IMPG1: variants seen among roughly 807,000 people sequenced by gnomAD.
The protein encoded by IMPG1 is interphotoreceptor matrix proteoglycan 1, also known as interphotoreceptor matrix proteoglycan of 150 kDa.
IMPG1 carries 85 observed loss-of-function variants against 92.0 expected under a neutral mutation model. The observed-to-expected ratio is 0.92, with a 90% CI of 0.78 to 1.11. The LOEUF is 1.11. IMPG1 is among the 50% of genes least tolerant of loss of function. The pLI, the probability that IMPG1 is intolerant of heterozygous loss-of-function variation, is 0.00. For missense variants in IMPG1, 1,022 were observed against 956.0 expected (o/e 1.07, Z -0.91); for synonymous variants, 367 against 334.1 (o/e 1.10, Z -1.08).
chr6:75,948,504 C>T (rs1306079090), intron 13 of IMPG1, among the ~76,000 whole-genome samples: 1 of 152,122 alleles, frequency 6.6e-6, no homozygotes, highest in African/African-American at 2.4e-5. Flanking sequence ...TGACCCAGTC[C>T]CACATTCTGT....
chr6:76,008,280 A>G (rs138228346), intron 8 of IMPG1, among the ~76,000 whole-genome samples: 101 of 152,280 alleles, frequency 6.6e-4, no homozygotes, highest in African/African-American at 2.2e-3. Flanking sequence ...ATGAAAAAAG[A>G]CCATTTAGTC....
intron 7 of IMPG1, among the ~76,000 whole-genome samples, chr6:76,017,959 G>T: frequency 6.6e-6 from 1 of 152,042 alleles, no homozygotes; most frequent in Non-Finnish European, 1.5e-5. Flanking sequence ...TGCCATGTTG[G>T]CCAGGCTGGT....
rs149060742 is a variant in IMPG1, at chr6:75,960,125, C to T, written c.1292-9031G>A. Among the ~76,000 whole-genome samples the T allele has an allele frequency of 5.7e-3, 862 of 152,210 alleles. 10 individuals are homozygous for T. The highest frequency in any genetic ancestry group is 0.034 in the Admixed American group (522 of 15,282). On this transcript the variant is annotated intron_variant, in intron 12 of 16. Transcript: ENST00000369950. ...TTCCCTTTGCTAGGGGTGGTAGTTG[C>T]CCAACTTCTTGTGCTTCCTGGGTGA...
intron 5 of IMPG1, chr6:76,024,859 A>G: frequency 2.5e-6 from 1 of 407,478 alleles, no homozygotes; most frequent in South Asian, 1.8e-5. Flanking sequence ...ACATCAGGTT[A>G]AGTGGAAAAA....
intron 6 of IMPG1, among the ~76,000 whole-genome samples, chr6:76,020,048 A>C (rs1040677575): frequency 7.2e-5 from 11 of 152,078 alleles, no homozygotes; most frequent in Admixed American, 3.3e-4. Flanking sequence ...TATTTTATTT[A>C]TTTCTTTTAT....
intron 15 of IMPG1, among the ~76,000 whole-genome samples, chr6:75,925,596 G>C (rs939413883): frequency 6.6e-6 from 1 of 152,122 alleles, no homozygotes; most frequent in Non-Finnish European, 1.5e-5. Context: ...GTAGGCTGAG[G>C]TGGGAGGATT....
intron 2 of IMPG1, among the ~76,000 whole-genome samples, chr6:76,040,160 G>A (rs2149489741): frequency 6.6e-6 from 1 of 152,282 alleles, no homozygotes; most frequent in East Asian, 1.9e-4. Flanking sequence ...ATAATGGACT[G>A]TCATTGCTGT....
At chr6:76,052,847 T>C (rs1582132186) in intron 1 of IMPG1, among the ~76,000 whole-genome samples, 1 of 152,102 alleles carries the variant, frequency 6.6e-6, no homozygotes, top group Non-Finnish European at 1.5e-5. Context: ...TGAGGTGAAG[T>C]TGGAGTAAAC....
intron 1 of IMPG1, among the ~76,000 whole-genome samples, chr6:76,046,470 C>G (rs531465440): frequency 2.4e-4 from 36 of 152,246 alleles, no homozygotes; most frequent in African/African-American, 8.4e-4. Context: ...TGAGGAACAG[C>G]TGTAATACAC....
intron 4 of IMPG1, among the ~76,000 whole-genome samples, chr6:76,031,444 A>T (rs962014894): frequency 6.6e-6 from 1 of 152,224 alleles, no homozygotes; most frequent in African/African-American, 2.4e-5. Context: ...AATATTATTA[A>T]TCAGCCTGCC....
chr6:75,982,161 A>G (rs529483036), intron 12 of IMPG1, among the ~76,000 whole-genome samples: 1 of 152,334 alleles, frequency 6.6e-6, no homozygotes, highest in East Asian at 1.9e-4. Context: ...TTGTAGGATG[A>G]AGGTGGTGGT....
chr6:76,039,465 C>A (rs1369905747), intron 2 of IMPG1, among the ~76,000 whole-genome samples: 1 of 151,724 alleles, frequency 6.6e-6, no homozygotes, highest in African/African-American at 2.4e-5. Context: ...GAGCGATTCT[C>A]CTGCCTCAGC....
intron 12 of IMPG1, among the ~76,000 whole-genome samples, chr6:75,954,652 G>A (rs191771877): frequency 1.2e-4 from 18 of 152,110 alleles, no homozygotes; most frequent in East Asian, 1.2e-3. Context: ...CTTTTGTTGC[G>A]ATTGCTTTGG....
At chr6:75,994,943 A>G (rs1019866777) in intron 12 of IMPG1, among the ~76,000 whole-genome samples, 1 of 152,214 alleles carries the variant, frequency 6.6e-6, no homozygotes, top group Non-Finnish European at 1.5e-5. Context: ...CACTGACTAA[A>G]AAGAGGTAAG....
At chr6:75,991,256 TGGCACAC>T (rs139868031) in intron 12 of IMPG1, among the ~76,000 whole-genome samples, 3 of 152,180 alleles carry the variant, frequency 2.0e-5, no homozygotes, top group Non-Finnish European at 4.4e-5. Context: ...TTGGGCATGG[TGGCACAC>T]TCCTGCAGTC....
intron 1 of IMPG1, among the ~76,000 whole-genome samples, chr6:76,067,008 A>C (rs991175026): frequency 6.6e-6 from 1 of 151,912 alleles, no homozygotes; most frequent in Non-Finnish European, 1.5e-5. Context: ...ACGAAAATAG[A>C]GACACAACAT....
In IMPG1 at chr6:76,063,391, G is replaced by A. The variant is rs547279881; in HGVS notation, c.67+9031C>T. The stretch of plus-strand genomic sequence containing the variant: ...CAGGAAAAGAAGGAAGCAAGAGGTT[G>A]TCAGAGATGAAACCCAGAGGGGCTT... On this transcript the variant is annotated intron_variant, in intron 1 of 16. Transcript: ENST00000369950. Among the ~76,000 whole-genome samples the A allele has an allele frequency of 7.2e-5, 11 of 152,290 alleles. No homozygotes were observed. The South Asian group carries it at 2.3e-3, about 32-fold the overall frequency.
At chr6:76,024,884 A>G (rs1280278901) in intron 5 of IMPG1, 1 of 432,130 alleles carries the variant, frequency 2.3e-6, no homozygotes, top group South Asian at 1.8e-5. Flanking sequence ...TACAAACTCT[A>G]AGTAAATATG....
intron 4 of IMPG1, among the ~76,000 whole-genome samples, chr6:76,026,116 C>T (rs116778342): frequency 0.018 from 2,729 of 152,200 alleles, 87 homozygotes; most frequent in African/African-American, 0.062. Flanking sequence ...GGACTCTGTG[C>T]GGGAAGCACT....
Sources: gnomAD v4.1 joint callset for allele counts (sites outside exome capture counted in the v4.1 genomes callset) on GRCh38, gnomAD v4.1.1 for gene constraint, MANE v1.5 for transcripts, NCBI Gene and HGNC (gene_info 2026-07-23, HGNC 2026-07-21) for gene names.